SMIM35: variants seen among roughly 807,000 people sequenced by gnomAD.
The protein encoded by SMIM35 is small integral membrane protein 35.
intron 1 of SMIM35, among the ~76,000 whole-genome samples, chr11:118,031,626 G>A (rs1248973417): frequency 6.6e-6 from 1 of 151,942 alleles, no homozygotes; most frequent in Non-Finnish European, 1.5e-5. Context: ...GAGTCCAAAA[G>A]ACATTAATTA....
At chr11:118,039,771 C>T (rs543677480) in intron 1 of SMIM35, among the ~76,000 whole-genome samples, 15 of 151,852 alleles carry the variant, frequency 9.9e-5, no homozygotes, top group South Asian at 2.1e-4. Flanking sequence ...AATAACCTGG[C>T]CAGGCGCAGT....
At chr11:118,052,500 G>A (rs530157750) in intron 1 of SMIM35, among the ~76,000 whole-genome samples, 6 of 152,228 alleles carry the variant, frequency 3.9e-5, no homozygotes, top group Admixed American at 6.5e-5. Context: ...CTCTTCCTAA[G>A]TTTGTATTTA....
At chr11:118,020,801 ATGTC>A (rs2058222072) in intron 1 of SMIM35, among the ~76,000 whole-genome samples, 1 of 152,074 alleles carries the variant, frequency 6.6e-6, no homozygotes, top group Non-Finnish European at 1.5e-5. Flanking sequence ...CTGTTCTTAT[ATGTC>A]TCAGTTTATT....
intron 1 of SMIM35, among the ~76,000 whole-genome samples, chr11:118,058,516 G>A (rs1021014555): frequency 6.6e-6 from 1 of 152,226 alleles, no homozygotes; most frequent in African/African-American, 2.4e-5. Flanking sequence ...GGAATGGGGT[G>A]CGAAACCACA....
At chr11:118,047,273 T>C (rs185006496) in intron 1 of SMIM35, among the ~76,000 whole-genome samples, 45 of 152,386 alleles carry the variant, frequency 3.0e-4, no homozygotes, top group African/African-American at 1.0e-3. Flanking sequence ...ATTGGCGATC[T>C]CATCTGTTTT....
intron 1 of SMIM35, among the ~76,000 whole-genome samples, chr11:118,054,600 C>T (rs966946732): frequency 7.2e-5 from 11 of 152,084 alleles, no homozygotes; most frequent in Admixed American, 2.0e-4. Flanking sequence ...CTGCTCATAA[C>T]TCTTATACCC....
At chr11:118,071,345 T>C (rs952748479) in intron 1 of SMIM35, among the ~76,000 whole-genome samples, 1 of 152,244 alleles carries the variant, frequency 6.6e-6, no homozygotes, top group African/African-American at 2.4e-5. Context: ...TGAGGCTCAA[T>C]TCAACCGCCT....
chr11:118,077,210 AGCC>A, intron 1 of SMIM35: 1 of 1,526,172 alleles, frequency 6.6e-7, no homozygotes, highest in Middle Eastern at 1.7e-4. Flanking sequence ...CCTGCTGGCC[AGCC>A]AGGACCTGTG....
At chr11:118,059,862 G>C (rs546274215) in intron 1 of SMIM35, among the ~76,000 whole-genome samples, 19 of 152,292 alleles carry the variant, frequency 1.2e-4, no homozygotes, top group Non-Finnish European at 2.5e-4. Context: ...TAGAATTCCG[G>C]CTCCCACGCC....
At chr11:118,058,087 C>A (rs2135116382) in intron 1 of SMIM35, among the ~76,000 whole-genome samples, 2 of 152,314 alleles carry the variant, frequency 1.3e-5, no homozygotes, top group Non-Finnish European at 2.9e-5. Flanking sequence ...ATACTGACAG[C>A]TAATTAATTG....
intron 1 of SMIM35, among the ~76,000 whole-genome samples, chr11:118,040,744 A>G (rs749609194): frequency 1.3e-5 from 2 of 152,192 alleles, no homozygotes; most frequent in Admixed American, 6.5e-5. Context: ...ACAAAATTAT[A>G]TATATGTAAA....
chr11:118,079,170 G>A (rs866540660), intron 1 of SMIM35, among the ~76,000 whole-genome samples: 2 of 152,082 alleles, frequency 1.3e-5, no homozygotes, highest in African/African-American at 2.4e-5. Flanking sequence ...TTCTAGCCCC[G>A]GAGCTAGCCA....
intron 1 of SMIM35, among the ~76,000 whole-genome samples, chr11:118,064,240 GT>G: frequency 6.6e-6 from 1 of 152,308 alleles, no homozygotes; most frequent in Admixed American, 6.5e-5. Flanking sequence ...GGAAAATTGA[GT>G]TTGAGTTTTT....
At chr11:118,054,423 G>T (rs1468904311) in intron 1 of SMIM35, among the ~76,000 whole-genome samples, 1 of 152,158 alleles carries the variant, frequency 6.6e-6, no homozygotes, top group Non-Finnish European at 1.5e-5. Flanking sequence ...TGCATTTTTG[G>T]TGATGATCCA....
At chr11:118,056,040 TGAAGGTGGA>T (rs560729454) in intron 1 of SMIM35, among the ~76,000 whole-genome samples, 3 of 151,990 alleles carry the variant, frequency 2.0e-5, no homozygotes, top group Non-Finnish European at 4.4e-5. Context: ...GGCTCTAGGC[TGAAGGTGGA>T]CAGGTAGGAG....
At chr11:118,049,327 G>A in intron 1 of SMIM35, among the ~76,000 whole-genome samples, 1 of 139,404 alleles carries the variant, frequency 7.2e-6, no homozygotes, top group Admixed American at 7.2e-5. Context: ...TCGCATGTTT[G>A]TTCCACCCTT....
intron 1 of SMIM35, among the ~76,000 whole-genome samples, chr11:118,059,972 T>G (rs191663479): frequency 1.3e-5 from 2 of 152,260 alleles, no homozygotes; most frequent in Admixed American, 1.3e-4. Flanking sequence ...GCATTTTATC[T>G]CATAGCCTTG....
chr11:118,055,835 G>C (rs992818438), intron 1 of SMIM35, among the ~76,000 whole-genome samples: 2 of 152,186 alleles, frequency 1.3e-5, no homozygotes, highest in Non-Finnish European at 2.9e-5. Flanking sequence ...GAGGAGCTGA[G>C]ATAGCACACA....
intron 1 of SMIM35, chr11:118,025,506 T>C (rs1019266927): frequency 4.2e-5 from 19 of 455,554 alleles, no homozygotes; most frequent in Non-Finnish European, 7.9e-5. Flanking sequence ...AGATGGTATC[T>C]CACTGTGGTT....
Sources: allele counts gnomAD v4.1 joint callset (sites outside exome capture counted in the v4.1 genomes callset), GRCh38; gene constraint gnomAD v4.1.1; transcripts MANE v1.5; gene names NCBI Gene and HGNC (gene_info 2026-07-23, HGNC 2026-07-21).